Variants in GPBP1 observed in about 807,000 individuals in gnomAD.
GPBP1 encodes the protein GC-rich promoter binding protein 1.
In GPBP1, 13 loss-of-function variants were observed where a neutral mutation model predicts 56.5. The observed-to-expected ratio is 0.23, with a 90% confidence interval of 0.15 to 0.37. The LOEUF is 0.37. Ranked by LOEUF, GPBP1 falls within the 10% of genes least tolerant of loss-of-function variation. The probability of loss-of-function intolerance (pLI) is 1.00; values close to 1 mark genes in which losing one functional copy is unlikely to be tolerated. For synonymous variants in GPBP1, 204 were observed against 188.9 expected (o/e 1.08, Z -0.66); for missense variants, 477 against 572.3 (o/e 0.83, Z 1.70).
intron 1 of GPBP1, among the ~76,000 whole-genome samples, chr5:57,174,540 C>G (rs1372513118): frequency 1.3e-5 from 2 of 152,180 alleles, no homozygotes; most frequent in Non-Finnish European, 2.9e-5. Context: ...CTTCCTTCCC[C>G]CGGCCTCTTG....
At position 57,230,839 on chromosome 5, in the gene GPBP1, G is replaced by T. The variant is rs1269397177; in HGVS notation, c.64-7G>T. The stretch of plus-strand genomic sequence containing the variant: ...ATAAATACCTGTATTTTTATAATTT[G>T]TTTCAGTCGTCATTGAATTTTGAGA... On this transcript the variant is annotated splice_region_variant and splice_polypyrimidine_tract_variant and intron_variant, in intron 3 of 11. Coordinates refer to ENST00000506184, the MANE Select transcript of GPBP1 (RefSeq NM_022913.4). 3.8e-6 allele frequency: 6 copies of T among 1,597,696 alleles called. No individual in the cohort carries two copies. Among genetic ancestry groups the T allele is most frequent in the Middle Eastern group, 3.3e-4 (2 of 6,020 alleles).
At position 57,262,982 on chromosome 5, in the gene GPBP1, T is replaced by C. The variant is rs1741966263; in HGVS notation, c.*230T>C. On this transcript the variant is annotated 3_prime_UTR_variant, in exon 12 of 12. Transcript: ENST00000506184. ...AATGAGGACTTGGGTTGGTCCAACA[T>C]TGACTTTCTTCATCACTGCAACATT... The C allele has an allele frequency of 5.5e-6, 2 of 366,408 alleles. No individual in the cohort carries two copies. The highest frequency in any genetic ancestry group is 4.3e-5 in the East Asian group (1 of 23,036). The allele number at this position is 366,408 out of a possible 1,614,324, so 22.7% of individuals were successfully genotyped here. A position where few individuals can be genotyped will look rare whatever the true frequency, so the allele number is the denominator to read the frequency against.
At chr5:57,180,514 C>T (rs1753994905) in intron 2 of GPBP1, among the ~76,000 whole-genome samples, 1 of 152,034 alleles carries the variant, frequency 6.6e-6, no homozygotes, top group Non-Finnish European at 1.5e-5. Context: ...TTAGATCTAT[C>T]AATGTTTAGG....
intron 2 of GPBP1, among the ~76,000 whole-genome samples, chr5:57,192,551 C>G (rs997956016): frequency 1.3e-5 from 2 of 151,230 alleles, no homozygotes; most frequent in African/African-American, 2.4e-5. Flanking sequence ...GTCAGGAGTT[C>G]GAGACCAGCC....
At chr5:57,215,403 G>T (rs1258938077) in intron 3 of GPBP1, among the ~76,000 whole-genome samples, 1 of 152,188 alleles carries the variant, frequency 6.6e-6, no homozygotes, top group Non-Finnish European at 1.5e-5. Flanking sequence ...CTGTAAAGCT[G>T]TTTGCCTCAT....
intron 6 of GPBP1, among the ~76,000 whole-genome samples, chr5:57,239,781 G>T (rs185951083): frequency 6.6e-6 from 1 of 151,608 alleles, no homozygotes; most frequent in African/African-American, 2.4e-5. Flanking sequence ...CTCCATCTCC[G>T]AACAAACATT....
chr5:57,196,524 T>C (rs1754754552), intron 2 of GPBP1, among the ~76,000 whole-genome samples: 1 of 152,224 alleles, frequency 6.6e-6, no homozygotes, highest in Admixed American at 6.5e-5. Flanking sequence ...AAATAACCAC[T>C]GAACAAATTT....
intron 7 of GPBP1, 97 bp downstream of exon 7, chr5:57,246,581 T>C: frequency 1.0e-6 from 1 of 976,600 alleles, no homozygotes; most frequent in Non-Finnish European, 1.5e-6. Flanking sequence ...TGTATGGAGG[T>C]ACTTCGTGGG....
In GPBP1 at chr5:57,196,889, C is replaced by G. The variant is rs374118291; in HGVS notation, c.-57-17185C>G. 2.0e-5 allele frequency among the ~76,000 whole-genome samples: 3 copies of G among 152,148 alleles called. No individual in the cohort carries two copies. The East Asian group carries it at 5.8e-4, about 30-fold the overall frequency. ...CTCTGCCTCCTGGGTTCATGCGATT[C>G]TCCCGCCTCAGCTTTCCAAGTAGCC... is the stretch of plus-strand genomic sequence containing the variant. On this transcript the variant is annotated intron_variant, in intron 2 of 11. Coordinates refer to ENST00000506184, the MANE Select transcript of GPBP1 (RefSeq NM_022913.4).
At chr5:57,253,155 G>A (rs1399499113) in intron 10 of GPBP1, among the ~76,000 whole-genome samples, 1 of 152,050 alleles carries the variant, frequency 6.6e-6, no homozygotes, top group African/African-American at 2.4e-5. Flanking sequence ...GTTAAAAGCA[G>A]GTATTTTTGC....
intron 3 of GPBP1, among the ~76,000 whole-genome samples, chr5:57,225,460 C>T (rs1022171997): frequency 4.2e-5 from 6 of 142,032 alleles, no homozygotes; most frequent in Admixed American, 3.0e-4. Flanking sequence ...TGCCACTGCA[C>T]TGCACCCTGG....
chr5:57,231,383 C>T lies in GPBP1; in HGVS notation c.411+62C>T, dbSNP rs1020746042. ...TGTAAGTGCTATTTTAAGTGATTCT[C>T]CTGCCTCAGCCTCTCCAGTATCTGG... On this transcript the variant is annotated intron_variant, in intron 5 of 11. Coordinates refer to ENST00000506184, the MANE Select transcript of GPBP1 (RefSeq NM_022913.4). 3.7e-5 allele frequency: 47 copies of T among 1,279,808 alleles called. No individual in the cohort carries two copies. The South Asian group carries it at 6.0e-4, about 16-fold the overall frequency. 79.3% of individuals were successfully genotyped at this position (1,279,808 alleles called of 1,614,324 possible). A position where few individuals can be genotyped will look rare whatever the true frequency, so the allele number is the denominator to read the frequency against.
At chr5:57,180,079 A>T (rs1753974897) in intron 2 of GPBP1, among the ~76,000 whole-genome samples, 1 of 152,132 alleles carries the variant, frequency 6.6e-6, no homozygotes, top group Middle Eastern at 3.2e-3. Flanking sequence ...TGAAAGTAAA[A>T]TAAGCAAGTG....
At chr5:57,190,694 CTTTTTTTTTTTTTTT>C (rs773540051) in intron 2 of GPBP1, among the ~76,000 whole-genome samples, 5 of 68,852 alleles carry the variant, frequency 7.3e-5, no homozygotes, top group Non-Finnish European at 1.4e-4. Flanking sequence ...TTGCTGTTAG[CTTTTTTTTTTTTTTT>C]TTTTTTTTTT....
At chr5:57,218,712 G>T (rs1405919758) in intron 3 of GPBP1, among the ~76,000 whole-genome samples, 1 of 152,172 alleles carries the variant, frequency 6.6e-6, no homozygotes, top group African/African-American at 2.4e-5. Context: ...TGATCCGCCT[G>T]CCTCTACCTC....
intron 3 of GPBP1, among the ~76,000 whole-genome samples, chr5:57,215,432 GT>G (rs1755660221): frequency 6.6e-6 from 1 of 152,162 alleles, no homozygotes; most frequent in African/African-American, 2.4e-5. Context: ...AAACCCATCC[GT>G]TAGGCTCCAT....
intron 2 of GPBP1, among the ~76,000 whole-genome samples, chr5:57,195,980 CAAAA>C (rs1181097227): frequency 8.7e-4 from 26 of 29,748 alleles, no homozygotes; most frequent in Non-Finnish European, 1.2e-3. Context: ...AACTCCATCT[CAAAA>C]AAAAAAAAAA....
At chr5:57,235,487 G>A (rs1237171649) in intron 5 of GPBP1, among the ~76,000 whole-genome samples, 1 of 151,958 alleles carries the variant, frequency 6.6e-6, no homozygotes, top group Non-Finnish European at 1.5e-5. Context: ...TACTCCATAG[G>A]CAGAGTAGCC....
At chr5:57,186,101 T>C (rs1754274276) in intron 2 of GPBP1, among the ~76,000 whole-genome samples, 1 of 152,102 alleles carries the variant, frequency 6.6e-6, no homozygotes, top group South Asian at 2.1e-4. Context: ...GAGCAAAAAT[T>C]TTAAGTACTG....
Sources: allele counts gnomAD v4.1 joint callset (sites outside exome capture counted in the v4.1 genomes callset), GRCh38; gene constraint gnomAD v4.1.1; transcripts MANE v1.5; gene names NCBI Gene and HGNC (gene_info 2026-07-23, HGNC 2026-07-21).